CHST11: variants seen among roughly 807,000 people sequenced by gnomAD.
CHST11 encodes carbohydrate sulfotransferase 11, also known as C4S-1.
A neutral mutation model predicts 30.4 loss-of-function variants in CHST11; 9 were observed. The observed-to-expected ratio is 0.30, with a 90% CI of 0.18 to 0.52. CHST11 has a LOEUF of 0.52. CHST11 is among the 20% of genes least tolerant of loss of function. The probability of loss-of-function intolerance (pLI) is 0.97; values close to 1 mark genes in which losing one functional copy is unlikely to be tolerated. For missense variants in CHST11, 348 were observed against 460.6 expected, an observed-to-expected ratio of 0.76 and a Z score of 2.24; for synonymous variants, 152 against 187.8, an observed-to-expected ratio of 0.81 and a Z score of 1.56.
intron 1 of CHST11, among the ~76,000 whole-genome samples, chr12:104,463,816 A>C (rs573426905): frequency 2.0e-5 from 3 of 152,298 alleles, no homozygotes; most frequent in African/African-American, 7.2e-5. Flanking sequence ...AACACAAGTC[A>C]AATCTGGTCC....
At position 104,758,619 on chromosome 12, in the gene CHST11, G is replaced by C. The variant is rs946296485; in HGVS notation, c.*816G>C. 4.6e-5 allele frequency: 7 copies of C among 152,104 alleles called. No homozygotes were observed. The highest frequency in any genetic ancestry group is 1.7e-4 in the African/African-American group (7 of 41,410). The allele number at this position is 152,104 out of a possible 1,614,324, so 9.4% of individuals were successfully genotyped here. A position where few individuals can be genotyped will look rare whatever the true frequency, so the allele number is the denominator to read the frequency against. ...AGCGTTGAACAAACCCAATAGTCTT[G>C]GCCCTCAAAAAGCTTTATGTGACAT... On this transcript the variant is annotated 3_prime_UTR_variant, in exon 3 of 3. Coordinates refer to ENST00000303694, the MANE Select transcript of CHST11 (RefSeq NM_018413.6).
At chr12:104,488,470 T>C (rs1322955666) in intron 1 of CHST11, among the ~76,000 whole-genome samples, 3 of 151,866 alleles carry the variant, frequency 2.0e-5, no homozygotes, top group Non-Finnish European at 4.4e-5. Context: ...TGTATGTGTG[T>C]ATGCATGTGT....
At chr12:104,591,978 C>T (rs2038862901) in intron 1 of CHST11, among the ~76,000 whole-genome samples, 1 of 149,454 alleles carries the variant, frequency 6.7e-6, no homozygotes. Context: ...CGGCCTATAG[C>T]CAGCAGTGTG....
chr12:104,576,817 T>G (rs1041575270), intron 1 of CHST11, among the ~76,000 whole-genome samples: 1 of 152,208 alleles, frequency 6.6e-6, no homozygotes, highest in East Asian at 1.9e-4. Context: ...CCTAGGAATC[T>G]GCATTGACAC....
At chr12:104,550,122 G>T (rs1289988874) in intron 1 of CHST11, among the ~76,000 whole-genome samples, 3 of 152,194 alleles carry the variant, frequency 2.0e-5, no homozygotes, top group Admixed American at 1.3e-4. Context: ...GTGCCGAGTT[G>T]ATGTCCAGAA....
chr12:104,544,138 A>AAAG (rs538963282), intron 1 of CHST11, among the ~76,000 whole-genome samples: 149 of 71,664 alleles, frequency 2.1e-3, no homozygotes, highest in African/African-American at 6.0e-3. Flanking sequence ...AAAAAAAAAA[A>AAAG]AAAGAAAGAA....
At chr12:104,691,087 A>G (rs1290697013) in intron 2 of CHST11, among the ~76,000 whole-genome samples, 1 of 152,170 alleles carries the variant, frequency 6.6e-6, no homozygotes, top group Non-Finnish European at 1.5e-5. Context: ...TCTGGGGTCA[A>G]AGATGTGGGT....
chr12:104,732,304 C>T (rs1042405961), intron 2 of CHST11, among the ~76,000 whole-genome samples: 3 of 152,170 alleles, frequency 2.0e-5, no homozygotes, highest in Admixed American at 6.5e-5. Context: ...GACGTGGGTG[C>T]CTCAGAAAGA....
At chr12:104,694,077 C>T (rs1157430316) in intron 2 of CHST11, among the ~76,000 whole-genome samples, 5 of 152,120 alleles carry the variant, frequency 3.3e-5, no homozygotes, top group Non-Finnish European at 7.4e-5. Context: ...GGATTTGGCC[C>T]GCACATTTAT....
chr12:104,695,714 T>C (rs2039937820), intron 2 of CHST11, among the ~76,000 whole-genome samples: 1 of 152,200 alleles, frequency 6.6e-6, no homozygotes. Context: ...ACAGAGCTCT[T>C]TGCCAGAAAT....
chr12:104,663,675 A>G (rs1007955095), intron 2 of CHST11, among the ~76,000 whole-genome samples: 2 of 152,146 alleles, frequency 1.3e-5, no homozygotes, highest in African/African-American at 2.4e-5. Flanking sequence ...CTTACTAGGA[A>G]TGGTTTGCCC....
intron 1 of CHST11, among the ~76,000 whole-genome samples, chr12:104,480,595 AAAG>A (rs1260249228): frequency 6.7e-6 from 1 of 148,560 alleles, no homozygotes; most frequent in Admixed American, 6.8e-5. Context: ...AAAAAAAAAA[AAAG>A]ATGAAGTCAT....
intron 2 of CHST11, among the ~76,000 whole-genome samples, chr12:104,643,888 A>T (rs755015721): frequency 2.1e-4 from 32 of 152,326 alleles, no homozygotes; most frequent in Non-Finnish European, 3.4e-4. Context: ...CTGTCATCTC[A>T]TAAAGAGACT....
chr12:104,647,413 A>G (rs1243931892), intron 2 of CHST11, among the ~76,000 whole-genome samples: 1 of 152,236 alleles, frequency 6.6e-6, no homozygotes, highest in Non-Finnish European at 1.5e-5. Context: ...AAGAAAAATG[A>G]TCATTTTGGA....
chr12:104,743,149 A>G (rs1171064428), intron 2 of CHST11, among the ~76,000 whole-genome samples: 3 of 152,276 alleles, frequency 2.0e-5, no homozygotes, highest in Non-Finnish European at 4.4e-5. Context: ...GTGAACAAAA[A>G]TTAGTGAAAA....
At chr12:104,547,337 G>T (rs1484866275) in intron 1 of CHST11, among the ~76,000 whole-genome samples, 1 of 152,196 alleles carries the variant, frequency 6.6e-6, no homozygotes, top group African/African-American at 2.4e-5. Context: ...ACAGGAAGGA[G>T]CCAAACACAG....
chr12:104,553,110 T>C (rs374230683), intron 1 of CHST11: 1 of 152,362 alleles, frequency 6.6e-6, no homozygotes, highest in East Asian at 1.9e-4. Flanking sequence ...GAAGTAACAG[T>C]ACCTTTCTTA....
intron 1 of CHST11, among the ~76,000 whole-genome samples, chr12:104,577,520 CT>C (rs896532940): frequency 2.0e-5 from 3 of 152,062 alleles, no homozygotes; most frequent in African/African-American, 7.2e-5. Context: ...CATTCCCACT[CT>C]GTACTTTCTT....
At chr12:104,587,699 A>G (rs1445259311) in intron 1 of CHST11, among the ~76,000 whole-genome samples, 1 of 152,206 alleles carries the variant, frequency 6.6e-6, no homozygotes, top group Non-Finnish European at 1.5e-5. Context: ...TGCCCGGCTC[A>G]AGTATTTACA....
Sources: gnomAD v4.1 joint callset for allele counts (sites outside exome capture counted in the v4.1 genomes callset) on GRCh38, gnomAD v4.1.1 for gene constraint, MANE v1.5 for transcripts, NCBI Gene and HGNC (gene_info 2026-07-23, HGNC 2026-07-21) for gene names.